The following CPA6 variants were observed in gnomAD, a reference collection of about 807,000 sequenced individuals.
The protein encoded by CPA6 is carboxypeptidase B.
In CPA6, 58 loss-of-function variants were observed where a neutral mutation model predicts 63.3. That is an observed-to-expected ratio of 0.92 (90% CI 0.74 to 1.14). CPA6 has a LOEUF of 1.14. Among genes scored for constraint, CPA6 ranks in the 50% most tolerant of loss-of-function variants. CPA6 has a pLI of 0.00. For synonymous variants in CPA6, 185 were observed against 179.0 expected (o/e 1.03, Z -0.27); for missense variants, 565 against 526.6 (o/e 1.07, Z -0.71).
At chr8:67,520,228 T>C (rs934841063) in intron 2 of CPA6, among the ~76,000 whole-genome samples, 3 of 152,032 alleles carry the variant, frequency 2.0e-5, no homozygotes, top group African/African-American at 7.3e-5. Context: ...TGGAGATGAG[T>C]CTATAAGTGC....
chr8:67,664,866 G>A (rs1328905808), intron 1 of CPA6, among the ~76,000 whole-genome samples: 1 of 152,108 alleles, frequency 6.6e-6, no homozygotes, highest in African/African-American at 2.4e-5. Context: ...CGTGTATCAT[G>A]TTATTACAAG....
chr8:67,454,309 C>A (rs774753529), intron 8 of CPA6, among the ~76,000 whole-genome samples: 1 of 152,086 alleles, frequency 6.6e-6, no homozygotes, highest in Non-Finnish European at 1.5e-5. Context: ...TGTTGAATAC[C>A]AAATCCCTTC....
chr8:67,696,927 C>T (rs1441532831), intron 1 of CPA6, among the ~76,000 whole-genome samples: 1 of 152,114 alleles, frequency 6.6e-6, no homozygotes, highest in Non-Finnish European at 1.5e-5. Context: ...AAGCAGCTGC[C>T]CAACTAAATA....
At chr8:67,464,387 CGAGTT>C (rs1166593968) in intron 8 of CPA6, among the ~76,000 whole-genome samples, 2 of 151,994 alleles carry the variant, frequency 1.3e-5, no homozygotes, top group African/African-American at 2.4e-5. Context: ...TTTTGCTTGT[CGAGTT>C]AAGTTCCTTA....
intron 1 of CPA6, among the ~76,000 whole-genome samples, chr8:67,660,703 A>G (rs925741472): frequency 2.6e-5 from 4 of 152,084 alleles, no homozygotes; most frequent in South Asian, 4.2e-4. Context: ...CCTGTTTGCT[A>G]AGGAAAATGC....
chr8:67,617,709 A>G (rs1814989103), intron 2 of CPA6, among the ~76,000 whole-genome samples: 1 of 152,190 alleles, frequency 6.6e-6, no homozygotes, highest in African/African-American at 2.4e-5. Flanking sequence ...AAGTCTGGGC[A>G]TGGTGTGGAT....
At chr8:67,641,365 G>A (rs904515226) in intron 1 of CPA6, among the ~76,000 whole-genome samples, 25 of 147,306 alleles carry the variant, frequency 1.7e-4, no homozygotes, top group African/African-American at 6.8e-4. Flanking sequence ...TGAAGGAGGG[G>A]ATCCAAAATA....
chr8:67,711,637 T>G lies in CPA6; in HGVS notation c.116+34377A>C, dbSNP rs143733165. 1.8e-3 allele frequency among the ~76,000 whole-genome samples: 276 copies of G among 151,988 alleles called. 1 individual carries two copies. The highest frequency in any genetic ancestry group is 6.5e-3 in the African/African-American group (268 of 41,396). On this transcript the variant is annotated intron_variant, in intron 1 of 10. Coordinates refer to ENST00000297770, the MANE Select transcript of CPA6 (RefSeq NM_020361.5). ...CAAGGGCAGTGTGTATATGTATGCG[T>G]GTGGTATGTGTGTGGTATATGTATG...
At chr8:67,683,040 T>G (rs1816630538) in intron 1 of CPA6, among the ~76,000 whole-genome samples, 1 of 152,244 alleles carries the variant, frequency 6.6e-6, no homozygotes, top group African/African-American at 2.4e-5. Context: ...CTTCATTTCC[T>G]CAACTCAGGG....
intron 1 of CPA6, among the ~76,000 whole-genome samples, chr8:67,678,468 T>C (rs1273561469): frequency 6.6e-6 from 1 of 152,100 alleles, no homozygotes; most frequent in Non-Finnish European, 1.5e-5. Context: ...AGTGAAGAAC[T>C]TGAATGGGCA....
At chr8:67,588,059 C>G (rs972854610) in intron 2 of CPA6, among the ~76,000 whole-genome samples, 1 of 152,034 alleles carries the variant, frequency 6.6e-6, no homozygotes, top group Non-Finnish European at 1.5e-5. Context: ...AAAGCAGAAG[C>G]CTGTAACTAC....
At chr8:67,731,604 G>C (rs1817706237) in intron 1 of CPA6, among the ~76,000 whole-genome samples, 1 of 152,188 alleles carries the variant, frequency 6.6e-6, no homozygotes, top group African/African-American at 2.4e-5. Context: ...TCAACTCTGT[G>C]TTTGAATTTT....
At chr8:67,554,340 C>T (rs537303700) in intron 2 of CPA6, among the ~76,000 whole-genome samples, 13 of 152,048 alleles carry the variant, frequency 8.5e-5, no homozygotes, top group Non-Finnish European at 1.5e-4. Flanking sequence ...AGAATGGGAG[C>T]AAGAGAGAAT....
chr8:67,555,248 C>T (rs1351637646), intron 2 of CPA6, among the ~76,000 whole-genome samples: 4 of 152,294 alleles, frequency 2.6e-5, no homozygotes, highest in South Asian at 2.1e-4. Flanking sequence ...AAAAACCAAC[C>T]GTGTAACTGG....
chr8:67,523,208 T>G (rs1038029202), intron 2 of CPA6, among the ~76,000 whole-genome samples: 5 of 152,156 alleles, frequency 3.3e-5, no homozygotes, highest in African/African-American at 9.7e-5. Context: ...TAGGCTTAAA[T>G]GAATACATAC....
At chr8:67,540,169 C>T (rs1437459052) in intron 2 of CPA6, among the ~76,000 whole-genome samples, 1 of 150,648 alleles carries the variant, frequency 6.6e-6, no homozygotes, top group African/African-American at 2.4e-5. Context: ...TGTTGGTGAC[C>T]TTTGGATGGT....
At chr8:67,583,175 C>T (rs539010458) in intron 2 of CPA6, among the ~76,000 whole-genome samples, 10 of 151,978 alleles carry the variant, frequency 6.6e-5, no homozygotes, top group Non-Finnish European at 1.3e-4. Context: ...TGGGTAGTTG[C>T]GTGAAGATTC....
Position 67,459,289 on chromosome 8 carries a change from G to A in CPA6, c.838+24479C>T, listed in dbSNP as rs939009993. ...TTTGCCTGCTTTGGCCTCCCAAAGT[G>A]CTGGGATTATAGGTGTGTGCCACCA... On this transcript the variant is annotated intron_variant, in intron 8 of 10. Transcript: ENST00000297770. 2.0e-5 allele frequency among the ~76,000 whole-genome samples: 3 copies of A among 152,290 alleles called. No individual in the cohort carries two copies. The East Asian group carries it at 5.8e-4, about 29-fold the overall frequency.
chr8:67,450,722 C>G (rs1291686003), intron 8 of CPA6, among the ~76,000 whole-genome samples: 1 of 152,160 alleles, frequency 6.6e-6, no homozygotes, highest in Non-Finnish European at 1.5e-5. Context: ...CACAGTGGAG[C>G]ACTCCTCTTG....
Sources: gnomAD v4.1 joint callset for allele counts (sites outside exome capture counted in the v4.1 genomes callset) on GRCh38, gnomAD v4.1.1 for gene constraint, MANE v1.5 for transcripts, NCBI Gene and HGNC (gene_info 2026-07-23, HGNC 2026-07-21) for gene names.